Variants in PTBP3 observed in about 807,000 individuals in gnomAD.
The protein encoded by PTBP3 is polypyrimidine tract binding protein 3.
A neutral mutation model predicts 58.7 loss-of-function variants in PTBP3; 20 were observed. The ratio of observed to expected loss-of-function variants is 0.34; its 90% CI spans 0.24 to 0.50. The LOEUF (loss-of-function observed/expected upper bound fraction) is 0.50. PTBP3 is among the 20% of genes least tolerant of loss of function. PTBP3 has a pLI of 0.98. For synonymous variants in PTBP3, 185 were observed against 219.8 expected (o/e 0.84, Z 1.40); for missense variants, 509 against 637.2 (o/e 0.80, Z 2.17).
intron 7 of PTBP3, among the ~76,000 whole-genome samples, chr9:112,248,494 T>TAATA (rs938395267): frequency 2.0e-5 from 3 of 152,084 alleles, no homozygotes; most frequent in Non-Finnish European, 4.4e-5. Context: ...CTTATTCGTG[T>TAATA]AATAAATAAA....
chr9:112,316,978 A>AG (rs1829730738), intron 1 of PTBP3, among the ~76,000 whole-genome samples: 1 of 146,960 alleles, frequency 6.8e-6, no homozygotes, highest in African/African-American at 2.5e-5. Context: ...TCTCAAAAAA[A>AG]AAAAAACAGT....
intron 1 of PTBP3, among the ~76,000 whole-genome samples, chr9:112,315,099 G>A (rs1185069352): frequency 6.6e-6 from 1 of 152,026 alleles, no homozygotes; most frequent in Non-Finnish European, 1.5e-5. Context: ...CCAAAGTGCT[G>A]GGATTACAGG....
intron 1 of PTBP3, among the ~76,000 whole-genome samples, chr9:112,300,568 T>C (rs4979097): frequency 0.84 from 127,640 of 151,970 alleles, 53,874 homozygotes; most frequent in African/African-American, 0.92. Context: ...CTGGCTAACA[T>C]GGTGAAACCC....
rs7868144 is a variant in PTBP3 at position 112,313,066 on chromosome 9, A to T, written c.-51-15150T>A. Among the ~76,000 whole-genome samples the T allele has an allele frequency of 5.6e-3, 850 of 152,206 alleles. 11 individuals are homozygous for T. The highest frequency in any genetic ancestry group is 0.019 in the African/African-American group (793 of 41,526). On this transcript the variant is annotated intron_variant, in intron 1 of 13. Coordinates refer to ENST00000374257, the MANE Select transcript of PTBP3 (RefSeq NM_001163788.4). ...CAAAGAAAAAAAAAAGGAAAAGGAA[A>T]ATCAAAGTACATATGTGGTATGTAC...
rs2131916090 is a variant in PTBP3 at position 112,218,887 on chromosome 9, C to T, written c.*4964G>A. On this transcript the variant is annotated 3_prime_UTR_variant, in exon 14 of 14. Coordinates refer to ENST00000374257, the MANE Select transcript of PTBP3 (RefSeq NM_001163788.4). ...TCTGTTAGACGAACATTCTTAAAAA[C>T]TGAAAAGGGGAATTTTGATGAACAG... The T allele has an allele frequency of 6.6e-6, 1 of 152,418 alleles. No homozygotes were observed. The highest frequency in any genetic ancestry group is 1.5e-5 in the Non-Finnish European group (1 of 67,988). The allele number at this position is 152,418 out of a possible 1,614,324, so 9.4% of individuals were successfully genotyped here.
intron 1 of PTBP3, among the ~76,000 whole-genome samples, chr9:112,318,779 A>G (rs994201902): frequency 4.0e-5 from 6 of 151,664 alleles, no homozygotes; most frequent in Non-Finnish European, 8.8e-5. Context: ...AAAAATTGAG[A>G]TATTGTTTCA....
Position 112,239,859 on chromosome 9 carries a change from G to GAGGA in PTBP3, c.803-4963_803-4962insTCCT, listed in dbSNP as rs1267445008. The stretch of plus-strand genomic sequence containing the variant: ...GGAGGGAGGGAGGGAGGGAGGGAGG[G>GAGGA]AGGGAGGGAGGGAGGGAGGGAGGCA... On this transcript the variant is annotated intron_variant, in intron 7 of 13. Transcript: ENST00000374257. Among the ~76,000 whole-genome samples, 204 of 101,698 alleles carry GAGGA rather than the reference G, an allele frequency of 2.0e-3. 2 individuals are homozygous for GAGGA. Among genetic ancestry groups the GAGGA allele is most frequent in the Non-Finnish European group, 3.7e-3 (172 of 46,352 alleles). 66.7% of individuals were successfully genotyped at this position (101,698 alleles called of 152,430 possible). A position where few individuals can be genotyped will look rare whatever the true frequency, so the allele number is the denominator to read the frequency against.
chr9:112,275,447 C>T (rs1372816150), intron 3 of PTBP3, among the ~76,000 whole-genome samples: 2 of 152,278 alleles, frequency 1.3e-5, no homozygotes, highest in East Asian at 1.9e-4. Context: ...CAATACTATA[C>T]ATTTTTATCT....
chr9:112,367,358 A>G, the PTBP3 span, among the ~76,000 whole-genome samples: 150 of 152,332 alleles, frequency 9.8e-4, no homozygotes, highest in South Asian at 5.4e-3. Context: ...TTGTTTCAAC[A>G]CAAAGAACTC....
At position 112,220,086 on chromosome 9, in the gene PTBP3, G is replaced by A. The variant is rs565001122; in HGVS notation, c.*3765C>T. 2.1e-5 allele frequency: 25 copies of A among 1,208,314 alleles called. No individual in the cohort carries two copies. The highest frequency in any genetic ancestry group is 2.4e-5 in the Non-Finnish European group (23 of 948,462). The allele number at this position is 1,208,314 out of a possible 1,614,324, so 74.8% of individuals were successfully genotyped here. ...GGCTAAGAAAAATGCTTTACGCATC[G>A]TCACGCTGTCTCTTTTTGGTTTTAA... On this transcript the variant is annotated 3_prime_UTR_variant, in exon 14 of 14. Coordinates refer to ENST00000374257, the MANE Select transcript of PTBP3 (RefSeq NM_001163788.4).
intron 4 of PTBP3, 131 bp downstream of exon 4, chr9:112,267,918 C>T (rs1827168730): frequency 2.6e-6 from 2 of 765,554 alleles, no homozygotes; most frequent in South Asian, 8.3e-5. Flanking sequence ...GAAGAATTTA[C>T]ATATACAATT....
chr9:112,246,643 A>C (rs1420744308), intron 7 of PTBP3, among the ~76,000 whole-genome samples: 2 of 151,206 alleles, frequency 1.3e-5, no homozygotes, highest in South Asian at 2.1e-4. Flanking sequence ...CAGTGAGCCG[A>C]GATCACACCA....
At chr9:112,282,648 T>A (rs957874911) in intron 2 of PTBP3, among the ~76,000 whole-genome samples, 3 of 152,214 alleles carry the variant, frequency 2.0e-5, no homozygotes, top group Non-Finnish European at 2.9e-5. Context: ...TTTTTATTTT[T>A]TTTTTTACTA....
intron 1 of PTBP3, among the ~76,000 whole-genome samples, chr9:112,329,630 C>T (rs537865904): frequency 6.6e-6 from 1 of 152,270 alleles, no homozygotes; most frequent in Admixed American, 6.5e-5. Flanking sequence ...ACATCTTGGA[C>T]ACAAACTTTC....
chr9:112,305,193 G>A (rs1829122527), intron 1 of PTBP3, among the ~76,000 whole-genome samples: 1 of 151,984 alleles, frequency 6.6e-6, no homozygotes, highest in East Asian at 1.9e-4. Flanking sequence ...CCAAAGAAAG[G>A]TGTGGCTTTT....
At chr9:112,276,337 G>A (rs528344502) in intron 2 of PTBP3, among the ~76,000 whole-genome samples, 1 of 152,152 alleles carries the variant, frequency 6.6e-6, no homozygotes, top group East Asian at 1.9e-4. Flanking sequence ...TATGACTAGA[G>A]AACACTATTT....
rs1387931404 is a variant in PTBP3, at chr9:112,252,805, A to C, written c.517-17T>G. ...AGAAAATATCTGGAAAACAGTTCAC[A>C]TTAGGTTAAATGTAAAAGAAAAGTA... is the stretch of plus-strand genomic sequence containing the variant. On this transcript the variant is annotated splice_polypyrimidine_tract_variant and intron_variant, in intron 5 of 13. Coordinates refer to ENST00000374257, the MANE Select transcript of PTBP3 (RefSeq NM_001163788.4). 16 of 1,367,890 alleles carry C rather than the reference A, an allele frequency of 1.2e-5. No homozygotes were observed. The highest frequency in any genetic ancestry group is 1.7e-5 in the Non-Finnish European group (16 of 963,176). 84.7% of individuals were successfully genotyped at this position (1,367,890 alleles called of 1,614,324 possible).
At chr9:112,266,165 G>A (rs1836791833) in intron 4 of PTBP3, among the ~76,000 whole-genome samples, 2 of 152,120 alleles carry the variant, frequency 1.3e-5, no homozygotes, top group Middle Eastern at 3.2e-3. Flanking sequence ...GATGGGAAAT[G>A]GCATCTAGAG....
chr9:112,264,063 G>T (rs1475159103), intron 4 of PTBP3, among the ~76,000 whole-genome samples: 1 of 152,028 alleles, frequency 6.6e-6, no homozygotes, highest in Non-Finnish European at 1.5e-5. Flanking sequence ...AAATGTTTGG[G>T]TAACAAACTC....
Sources: allele counts gnomAD v4.1 joint callset (sites outside exome capture counted in the v4.1 genomes callset), GRCh38; gene constraint gnomAD v4.1.1; transcripts MANE v1.5; gene names NCBI Gene and HGNC (gene_info 2026-07-23, HGNC 2026-07-21).